HIVEP3: variants seen among roughly 807,000 people sequenced by gnomAD.
HIVEP3 encodes the protein transcription factor HIVEP3.
Under a neutral mutation model 152.8 loss-of-function variants are expected in HIVEP3, and 49 were observed. That is an observed-to-expected ratio of 0.32 (90% CI 0.26 to 0.41). The LOEUF (loss-of-function observed/expected upper bound fraction) is 0.41. Among genes scored for constraint, HIVEP3 ranks in the 10% least tolerant of loss-of-function variants. The pLI, the probability that HIVEP3 is intolerant of heterozygous loss-of-function variation, is 1.00. For missense variants in HIVEP3, 2,790 were observed against 3,103.3 expected, an observed-to-expected ratio of 0.90 and a Z score of 2.40; for synonymous variants, 1,269 against 1,289.0, an observed-to-expected ratio of 0.98 and a Z score of 0.33.
intron 1 of HIVEP3, among the ~76,000 whole-genome samples, chr1:41,737,762 G>C (rs562020828): frequency 2.6e-4 from 40 of 152,342 alleles, no homozygotes; most frequent in African/African-American, 9.4e-4. Context: ...ATCAACCCAA[G>C]GCCTTGGTGA....
At chr1:41,639,026 C>G (rs1645331063) in intron 2 of HIVEP3, among the ~76,000 whole-genome samples, 2 of 152,212 alleles carry the variant, frequency 1.3e-5, no homozygotes, top group African/African-American at 4.8e-5. Flanking sequence ...TCCTGACACC[C>G]TCCTGACACG....
At chr1:41,657,884 A>C (rs1165890777) in intron 2 of HIVEP3, among the ~76,000 whole-genome samples, 1 of 152,242 alleles carries the variant, frequency 6.6e-6, no homozygotes, top group Non-Finnish European at 1.5e-5. Flanking sequence ...TGGGAGGCAG[A>C]TGGAAGGCCT....
chr1:41,889,261 C>G lies in HIVEP3; in HGVS notation c.-801+29152G>C, dbSNP rs113960199. Among the ~76,000 whole-genome samples the G allele has an allele frequency of 5.4e-3, 823 of 152,254 alleles. 5 individuals carry two copies. Among genetic ancestry groups the G allele is most frequent in the African/African-American group, 0.019 (779 of 41,538 alleles). ...GTCCCACCCCACATCCCCTGCTACACACAAACTCACACACTTTAAAGTGTG... is the reference window on the plus strand; with the variant it reads ...GTCCCACCCCACATCCCCTGCTACAGACAAACTCACACACTTTAAAGTGTG... On this transcript the variant is annotated intron_variant, in intron 1 of 8. Coordinates refer to ENST00000372583, the MANE Select transcript of HIVEP3 (RefSeq NM_024503.5).
intron 1 of HIVEP3, among the ~76,000 whole-genome samples, chr1:41,781,049 A>C (rs866051205): frequency 1.3e-5 from 2 of 152,220 alleles, no homozygotes; most frequent in African/African-American, 2.4e-5. Context: ...TTGGCAATAA[A>C]ATCTCTTAAA....
chr1:41,831,401 T>C (rs999181073), intron 1 of HIVEP3, among the ~76,000 whole-genome samples: 1 of 152,224 alleles, frequency 6.6e-6, no homozygotes, highest in Non-Finnish European at 1.5e-5. Flanking sequence ...AGCTCCAGCA[T>C]CCTATAATTT....
chr1:41,753,946 A>G (rs1647212583), intron 1 of HIVEP3, among the ~76,000 whole-genome samples: 1 of 152,146 alleles, frequency 6.6e-6, no homozygotes, highest in Admixed American at 6.5e-5. Flanking sequence ...TGGGGGTAAG[A>G]GGAGAAGGCA....
chr1:41,765,725 A>G (rs927116513), intron 1 of HIVEP3, among the ~76,000 whole-genome samples: 2 of 152,182 alleles, frequency 1.3e-5, no homozygotes, highest in Admixed American at 6.5e-5. Context: ...ATCCCCTGGT[A>G]CAACACTTGG....
At chr1:41,695,576 C>T (rs1646260831) in intron 2 of HIVEP3, among the ~76,000 whole-genome samples, 1 of 152,274 alleles carries the variant, frequency 6.6e-6, no homozygotes, top group South Asian at 2.1e-4. Context: ...AACCCCCAAC[C>T]CTGCCCAAGA....
chr1:41,993,243 C>T (rs971816727), intron 1 of HIVEP3, among the ~76,000 whole-genome samples: 6 of 151,730 alleles, frequency 4.0e-5, no homozygotes, highest in African/African-American at 1.2e-4. Flanking sequence ...TTTTCGCAAC[C>T]GACTCATCTG....
At chr1:41,971,846 G>A (rs149409448) in intron 1 of HIVEP3, among the ~76,000 whole-genome samples, 12 of 152,242 alleles carry the variant, frequency 7.9e-5, no homozygotes, top group African/African-American at 2.6e-4. Context: ...CTGCTGTCAT[G>A]GATGAATTAG....
intron 5 of HIVEP3, among the ~76,000 whole-genome samples, chr1:41,575,131 C>T (rs968687483): frequency 5.3e-5 from 8 of 152,188 alleles, no homozygotes; most frequent in Admixed American, 3.3e-4. Flanking sequence ...CCATGGGAAA[C>T]CAGACATGCC....
chr1:41,575,545 C>G lies in HIVEP3; in HGVS notation c.5206G>C (p.Gly1736Arg). 1 of 1,613,996 alleles carries G rather than the reference C, an allele frequency of 6.2e-7. No individual in the cohort carries two copies. The highest frequency in any genetic ancestry group is 8.5e-7 in the Non-Finnish European group (1 of 1,179,916). Residue 1736 changes from glycine (G) to arginine (R), a missense_variant and splice_region_variant, in exon 5 of 9, where the codon GGG becomes CGG. Gly to Arg is a moderately radical substitution (Grantham distance 125). Transcript: ENST00000372583. ...EPARIKIFEG[G>R]YKSNEEYVYV... ...ATGGAAACCAAACATGAGTCTTACC[C>G]TCCTTCGAAGATTTTGATCCTCGCC...
chr1:41,534,018 T>C (rs1643334772), intron 5 of HIVEP3, among the ~76,000 whole-genome samples: 1 of 152,004 alleles, frequency 6.6e-6, no homozygotes, highest in African/African-American at 2.4e-5. Context: ...GATGGCTCCA[T>C]TTCCTTCATG....
At chr1:41,539,826 G>C (rs553535467) in intron 5 of HIVEP3, among the ~76,000 whole-genome samples, 2 of 152,342 alleles carry the variant, frequency 1.3e-5, no homozygotes, top group South Asian at 4.1e-4. Context: ...CAGGGTCATA[G>C]GTGAAACCTT....
intron 3 of HIVEP3, among the ~76,000 whole-genome samples, chr1:41,609,825 T>C (rs1644873716): frequency 6.6e-6 from 1 of 152,276 alleles, no homozygotes; most frequent in Non-Finnish European, 1.5e-5. Flanking sequence ...TGATGGTTAA[T>C]TTTGTGTCAA....
rs1283741292 is a variant in HIVEP3, at chr1:41,510,551, C to G, written c.7121G>C (p.Gly2374Ala). The G allele has an allele frequency of 5.1e-6, 8 of 1,574,414 alleles. No homozygotes were observed. The East Asian group carries it at 1.9e-4, about 37-fold the overall frequency. Residue 2374 changes from glycine to alanine, a missense_variant, in exon 9 of 9, where the codon GGG (glycine) becomes GCG (alanine). Gly to Ala is a moderately conservative substitution (Grantham distance 60). Transcript: ENST00000372583. ...RFPARTRNLS[G>A]EPRTRQDSPK... ...GGAGTCCTGCCTGGTCCTGGGTTCC[C>G]CGGAGAGGTTCCTCGTCCGGGCTGG...
intron 1 of HIVEP3, among the ~76,000 whole-genome samples, chr1:41,723,600 T>C (rs553096451): frequency 6.6e-6 from 1 of 152,324 alleles, no homozygotes; most frequent in African/African-American, 2.4e-5. Flanking sequence ...CATTAATATT[T>C]GTTTGCTACT....
intron 3 of HIVEP3, among the ~76,000 whole-genome samples, chr1:41,617,728 C>T (rs1172056323): frequency 6.6e-6 from 1 of 152,246 alleles, no homozygotes; most frequent in Non-Finnish European, 1.5e-5. Context: ...CTTCACCTCT[C>T]CCAAATCACA....
At chr1:41,793,110 A>G (rs1649793004) in intron 1 of HIVEP3, among the ~76,000 whole-genome samples, 1 of 152,226 alleles carries the variant, frequency 6.6e-6, no homozygotes, top group Admixed American at 6.5e-5. Flanking sequence ...ACTGTGTGCC[A>G]TGAAGCAGTG....
Sources: allele counts gnomAD v4.1 joint callset (sites outside exome capture counted in the v4.1 genomes callset), GRCh38; gene constraint gnomAD v4.1.1; transcripts MANE v1.5; gene names NCBI Gene and HGNC (gene_info 2026-07-23, HGNC 2026-07-21).